The following USP46 variants were observed in gnomAD, a reference collection of about 807,000 sequenced individuals.
USP46 encodes the protein ubiquitin specific peptidase 46, also known as ubiquitin carboxyl-terminal hydrolase 46.
USP46 carries 12 observed loss-of-function variants against 44.4 expected under a neutral mutation model. The observed-to-expected ratio is 0.27, with a 90% CI of 0.17 to 0.44. The LOEUF is 0.44. Ranked by LOEUF, USP46 falls within the 20% of genes least tolerant of loss-of-function variation. USP46 has a pLI of 1.00. For synonymous variants in USP46, 155 were observed against 161.5 expected (o/e 0.96, Z 0.31); for missense variants, 248 against 444.8 (o/e 0.56, Z 3.98).
chr4:52,619,287 G>A (rs1717286709), intron 4 of USP46, among the ~76,000 whole-genome samples: 4 of 150,928 alleles, frequency 2.7e-5, no homozygotes. Flanking sequence ...CATTTACAAA[G>A]GGTGAGACCC....
At chr4:52,644,582 C>A (rs998617921) in intron 1 of USP46, among the ~76,000 whole-genome samples, 16 of 152,046 alleles carry the variant, frequency 1.1e-4, no homozygotes, top group Non-Finnish European at 2.2e-4. Flanking sequence ...AGGTTGCATA[C>A]TCCTTCTGAG....
At position 52,610,605 on chromosome 4, in the gene USP46, C is replaced by T. The variant is rs1716902214; in HGVS notation, c.574G>A (p.Asp192Asn). 6.2e-7 allele frequency: 1 copy of T among 1,613,748 alleles called. No homozygotes were observed. Among genetic ancestry groups the T allele is most frequent in the African/African-American group, 1.3e-5 (1 of 74,924 alleles). ...ACAGAAAGGTCAAGAAAATCTTCAT[C>T]TTTGCTACTAACCTGAAACAAAAAA... ...CLNCETVSSKDEDFLDLSVDV... is the reference protein window; with the variant it reads ...CLNCETVSSKNEDFLDLSVDV... The change falls in exon 5 of 9, where the codon GAT becomes AAT. Residue 192 changes from aspartate to asparagine, a missense_variant. Asp to Asn is a conservative substitution (Grantham distance 23). Coordinates refer to ENST00000441222, the MANE Select transcript of USP46 (RefSeq NM_022832.4).
intron 4 of USP46, among the ~76,000 whole-genome samples, chr4:52,620,601 G>A (rs1006392093): frequency 6.6e-6 from 1 of 152,184 alleles, no homozygotes. Context: ...AAAGCCACTA[G>A]ATTAGCAAAA....
chr4:52,650,301 C>T (rs1413762579), intron 1 of USP46, among the ~76,000 whole-genome samples: 1 of 152,162 alleles, frequency 6.6e-6, no homozygotes, highest in Non-Finnish European at 1.5e-5. Flanking sequence ...TATGTGTTGA[C>T]ATAATCTCAA....
chr4:52,656,428 T>TGGGGGGGTGGGG, intron 1 of USP46: 1 of 145,918 alleles, frequency 6.9e-6, no homozygotes, highest in Non-Finnish European at 9.8e-6. Flanking sequence ...GGAGGGACAG[T>TGGGGGGGTGGGG]GGGGGCGGTG....
In USP46 at chr4:52,632,998, G is replaced by GAAAAGA. The variant is rs1197456720; in HGVS notation, c.37-1855_37-1854insTCTTTT. ...AAAGAAAGAAAGAAAAGAAAAGAAAGAAAGAAAGAAAGAAAGAAAGAAAGA... is the reference window on the plus strand; with the variant it reads ...AAAGAAAGAAAGAAAAGAAAAGAAAGAAAAGAAAAGAAAGAAAGAAAGAAAGAAAGA... On this transcript the variant is annotated intron_variant, in intron 1 of 8. Coordinates refer to ENST00000441222, the MANE Select transcript of USP46 (RefSeq NM_022832.4). 3.0e-4 allele frequency among the ~76,000 whole-genome samples: 34 copies of GAAAAGA among 112,556 alleles called. 1 individual carries two copies. The highest frequency in any genetic ancestry group is 2.1e-3 in the South Asian group (7 of 3,288). The allele number at this position is 112,556 out of a possible 152,430, so 73.8% of individuals were successfully genotyped here.
chr4:52,612,121 A>G (rs1392721523), intron 4 of USP46, among the ~76,000 whole-genome samples: 5 of 152,222 alleles, frequency 3.3e-5, no homozygotes, highest in Admixed American at 3.3e-4. Flanking sequence ...GACTCAATAA[A>G]TTAGGAAGGG....
chr4:52,628,039 G>A lies in USP46; in HGVS notation c.242C>T (p.Ala81Val), dbSNP rs17475800. ...KKKENLLTCL[A>V]DLFHSIATQK... Reference sequence around the variant, plus strand: ...TGTGGCAATGCTGTGGAAAAGGTCCGCCAGGCACGTCAGCAAGTTTTCCTT... The same window carrying A: ...TGTGGCAATGCTGTGGAAAAGGTCCACCAGGCACGTCAGCAAGTTTTCCTT... Residue 81 changes from alanine (A) to valine (V), a missense_variant, in exon 3 of 9, where the codon GCG (alanine) becomes GTG (valine). Around this residue, in one of 5 missense-constraint regions of USP46, gnomAD observed 54 missense variants for 135.0 expected, o/e 0.40. Coordinates refer to ENST00000441222, the MANE Select transcript of USP46 (RefSeq NM_022832.4). 8.1e-5 allele frequency: 130 copies of A among 1,613,860 alleles called. No homozygotes were observed. Among genetic ancestry groups the A allele is most frequent in the African/African-American group, 7.9e-4 (59 of 75,042 alleles).
At chr4:52,609,000 T>C (rs763343684) in intron 5 of USP46, among the ~76,000 whole-genome samples, 1 of 152,140 alleles carries the variant, frequency 6.6e-6, no homozygotes, top group Non-Finnish European at 1.5e-5. Flanking sequence ...CTTCACATAG[T>C]TTAAGTTTTT....
rs1297542571 is a variant in USP46 at position 52,634,887 on chromosome 4, AC to A, written c.37-3744del. ...CCCATGTGGATGGATGAGCCATCCC[AC>A]CCATGCTCTCGCAGCAACTTGATGT... On this transcript the variant is annotated intron_variant, in intron 1 of 8. Transcript: ENST00000441222. Among the ~76,000 whole-genome samples the A allele has an allele frequency of 2.6e-5, 4 of 152,150 alleles. No individual in the cohort carries two copies. The East Asian group carries it at 7.7e-4, about 29-fold the overall frequency.
intron 5 of USP46, among the ~76,000 whole-genome samples, chr4:52,604,942 A>T (rs73248662): frequency 0.13 from 19,225 of 152,216 alleles, 1,204 homozygotes; most frequent in African/African-American, 0.16. Context: ...TATAAGCTAG[A>T]AATTAAAATC....
At chr4:52,643,780 C>T (rs187769320) in intron 1 of USP46, among the ~76,000 whole-genome samples, 241 of 152,228 alleles carry the variant, frequency 1.6e-3, no homozygotes, top group Non-Finnish European at 2.9e-3. Flanking sequence ...CTTAATATCC[C>T]CATTCTACAC....
At chr4:52,632,965 AAAGAAAGAAAGAAAG>A (rs1163041515) in intron 1 of USP46, among the ~76,000 whole-genome samples, 43 of 81,942 alleles carry the variant, frequency 5.2e-4, no homozygotes, top group Admixed American at 9.5e-4. Flanking sequence ...AGAAAGAAAG[AAAGAAAGAAAGAAAG>A]AAAGAAAAGA....
intron 6 of USP46, among the ~76,000 whole-genome samples, chr4:52,602,767 T>G (rs1413034467): frequency 6.6e-6 from 1 of 152,236 alleles, no homozygotes; most frequent in Admixed American, 6.5e-5. Context: ...ATGTGTACAT[T>G]ACCAGACTGA....
chr4:52,615,178 T>C (rs1006583861), intron 4 of USP46, among the ~76,000 whole-genome samples: 1 of 152,062 alleles, frequency 6.6e-6, no homozygotes, highest in African/African-American at 2.4e-5. Flanking sequence ...AACCCAACTA[T>C]ATCAATAATT....
intron 1 of USP46, among the ~76,000 whole-genome samples, chr4:52,648,763 TC>T (rs1718645925): frequency 6.6e-6 from 1 of 152,224 alleles, no homozygotes; most frequent in South Asian, 2.1e-4. Flanking sequence ...GAAACCCAGT[TC>T]CTGAAGCATA....
At chr4:52,627,893 A>C in intron 3 of USP46, 57 bp downstream of exon 3, 1 of 1,532,802 alleles carries the variant, frequency 6.5e-7, no homozygotes, top group Non-Finnish European at 8.8e-7. Context: ...GGAGATACAG[A>C]ACCATCAATT....
chr4:52,659,300 A>C lies in USP46; in HGVS notation c.-150T>G. 1 of 264,170 alleles carries C rather than the reference A, an allele frequency of 3.8e-6. No individual in the cohort carries two copies. The allele number at this position is 264,170 out of a possible 1,614,324, so 16.4% of individuals were successfully genotyped here. ...TGGCTGGGAGAGGGAGGCCGGGAGG[A>C]GGAGGCGGCGGCGCGGGGAGGGCGG... On this transcript the variant is annotated 5_prime_UTR_variant, in exon 1 of 9. Transcript: ENST00000441222. This position sits in a 1 kb window ranked among gnomAD's most constrained non-coding sequence, Gnocchi z 4.2.
At chr4:52,605,398 G>A (rs1050350259) in intron 5 of USP46, among the ~76,000 whole-genome samples, 2 of 152,086 alleles carry the variant, frequency 1.3e-5, no homozygotes, top group Non-Finnish European at 2.9e-5. Context: ...CTGTGGTACT[G>A]CTTCAAAGGC....
Sources: gnomAD v4.1 joint callset for allele counts (sites outside exome capture counted in the v4.1 genomes callset) on GRCh38, gnomAD v4.1.1 for gene constraint, gnomAD v4.1.1 regional missense constraint, Gnocchi (gnomAD v3.1) non-coding constraint, MANE v1.5 for transcripts, NCBI Gene and HGNC (gene_info 2026-07-23, HGNC 2026-07-21) for gene names.